CROCC: variants seen among roughly 807,000 people sequenced by gnomAD.
CROCC encodes the protein rootletin.
Under a neutral mutation model 245.2 loss-of-function variants are expected in CROCC, and 180 were observed. That is an observed-to-expected ratio of 0.73 (90% CI 0.65 to 0.83). The LOEUF (loss-of-function observed/expected upper bound fraction) is 0.83, where lower values mean the gene tolerates loss of function less well. CROCC is among the 40% of genes least tolerant of loss of function. CROCC has a pLI of 0.00. For missense variants in CROCC, 2,688 were observed against 2,779.4 expected (o/e 0.97, Z 0.74); for synonymous variants, 1,205 against 1,241.6 (o/e 0.97, Z 0.62).
At position 16,954,838 on chromosome 1, in the gene CROCC, C is replaced by T; in HGVS notation, c.3426C>T (p.Ala1142=). The part of the protein sequence containing the change: ...AQEVRRLQEQ[A]RDLGKQRDSC... ...AGGTGAGGAGGCTGCAAGAGCAGGCCCGAGACCTGGGCAAGCAGCGGGACT... is the reference window on the plus strand; with the variant it reads ...AGGTGAGGAGGCTGCAAGAGCAGGCTCGAGACCTGGGCAAGCAGCGGGACT... Residue 1142 remains alanine (A), a synonymous_variant, in exon 23 of 37, where the codon GCC becomes GCT. Coordinates refer to ENST00000375541, the MANE Select transcript of CROCC (RefSeq NM_014675.5). The surrounding 1 kb of genome is among the most constrained non-coding windows in gnomAD (Gnocchi z 4.4). 2 of 1,546,132 alleles carry T rather than the reference C, an allele frequency of 1.3e-6. No homozygotes were observed. Among genetic ancestry groups the T allele is most frequent in the Non-Finnish European group, 1.7e-6 (2 of 1,142,902 alleles).
At chr1:16,938,816 G>A (rs2100414780) in intron 11 of CROCC, 93 bp from the exon 12 acceptor site, 2 of 1,256,910 alleles carry the variant, frequency 1.6e-6, no homozygotes, top group South Asian at 1.3e-5. Flanking sequence ...TTTGGAATGA[G>A]GCAGCCCCCA....
intron 13 of CROCC, among the ~76,000 whole-genome samples, chr1:16,942,208 G>A (rs1216532077): frequency 2.0e-5 from 3 of 152,188 alleles, no homozygotes; most frequent in Non-Finnish European, 4.4e-5. Context: ...ATAGGGTTTC[G>A]CCATGTTGCC....
intron 13 of CROCC, chr1:16,940,853 A>G (rs902908099): frequency 9.9e-6 from 4 of 402,194 alleles, no homozygotes; most frequent in Non-Finnish European, 1.5e-5. Flanking sequence ...CTACCTCCCA[A>G]CTGCCCCTAG....
chr1:16,938,617 C>T (rs2075845576), intron 11 of CROCC, 134 bp downstream of exon 11: 2 of 921,100 alleles, frequency 2.2e-6, no homozygotes, highest in Non-Finnish European at 3.3e-6. Context: ...TGCTCAGCAC[C>T]CCTGCTAGCT....
intron 3 of CROCC, 147 bp downstream of exon 3, chr1:16,924,626 T>A: frequency 9.2e-7 from 1 of 1,085,620 alleles, no homozygotes. Context: ...CCACCTTGAG[T>A]GGCGTTGAGC....
At position 16,948,348 on chromosome 1, in the gene CROCC, C is replaced by T. The variant is rs376982831; in HGVS notation, c.2532C>T (p.Ser844=). ...EQLAQLSRQL[S]GREQELEQAR... is the part of the protein sequence containing the mutation. ...GGGGCCAGCTCTCCCGGCAGCTGAG[C>T]GGGCGGGAGCAGGAGCTGGAGCAGG... The change falls in exon 18 of 37, where the codon AGC becomes AGT. Residue 844 remains serine (S), a synonymous_variant. Coordinates refer to ENST00000375541, the MANE Select transcript of CROCC (RefSeq NM_014675.5). 164 of 1,573,386 alleles carry T rather than the reference C, an allele frequency of 1.0e-4. No individual in the cohort carries two copies. Among genetic ancestry groups the T allele is most frequent in the African/African-American group, 3.2e-4 (24 of 74,472 alleles).
intron 15 of CROCC, 34 bp from the exon 16 acceptor site, chr1:16,946,224 TG>T (rs1202977385): frequency 2.5e-6 from 4 of 1,602,934 alleles, no homozygotes; most frequent in Non-Finnish European, 3.4e-6. Flanking sequence ...CCGACCTTTC[TG>T]CCTTTCCTCA....
chr1:16,915,342 A>G (rs1254207011), intron 1 of CROCC, among the ~76,000 whole-genome samples: 1 of 152,292 alleles, frequency 6.6e-6, no homozygotes, highest in Non-Finnish European at 1.5e-5. Flanking sequence ...GCAGCTCTTC[A>G]TGGAGCTTTG....
At chr1:16,933,808 C>G (rs2075731911) in intron 8 of CROCC, among the ~76,000 whole-genome samples, 1 of 152,274 alleles carries the variant, frequency 6.6e-6, no homozygotes, top group Non-Finnish European at 1.5e-5. Flanking sequence ...ATCCACCTAC[C>G]TTGGTCTCCC....
At chr1:16,939,862 C>A (rs112681315) in intron 12 of CROCC, 32 bp from the exon 13 acceptor site, 19,376 of 1,606,216 alleles carry the variant, frequency 0.012, 79 homozygotes, top group Non-Finnish European at 0.014. Context: ...CCTCTCAGGC[C>A]CCCCCAGACT....
Position 16,960,806 on chromosome 1 carries a change from A to G in CROCC, c.4081A>G (p.Thr1361Ala), listed in dbSNP as rs76576326. The G allele has an allele frequency of 0.056, 85,742 of 1,528,784 alleles. 3,154 individuals carry two copies. The highest frequency in any genetic ancestry group is 0.17 in the African/African-American group (12,175 of 71,700). The allele number at this position is 1,528,784 out of a possible 1,614,324, so 94.7% of individuals were successfully genotyped here. Reference sequence around the variant, plus strand: ...GCAGGAACAAGAAGGCGAGTTCCGGACCCGCGAGCGACGCCTGCTGGGCTC... The same window carrying G: ...GCAGGAACAAGAAGGCGAGTTCCGGGCCCGCGAGCGACGCCTGCTGGGCTC... The part of the protein sequence containing the change: ...KLQEQEGEFR[T>A]RERRLLGSLE... The change falls in exon 27 of 37, where the codon ACC (threonine) becomes GCC (alanine). Residue 1361 changes from threonine to alanine, a missense_variant. By Grantham distance (58) the Thr-to-Ala change is moderately conservative. Around this residue, in one of 9 missense-constraint regions of CROCC, gnomAD observed 1,218 missense variants for 1,286.3 expected, o/e 0.95. Transcript: ENST00000375541.
intron 26 of CROCC, 138 bp downstream of exon 26, chr1:16,958,888 A>G: frequency 9.9e-7 from 1 of 1,013,268 alleles, no homozygotes; most frequent in Admixed American, 2.9e-5. Flanking sequence ...ACTCTTCCCC[A>G]GTTGTAGTAA....
Position 16,956,998 on chromosome 1 carries a change from G to A in CROCC, c.3864+842G>A, listed in dbSNP as rs142714011. Among the ~76,000 whole-genome samples the A allele has an allele frequency of 5.5e-4, 84 of 152,342 alleles. 1 individual carries two copies. The East Asian group carries it at 0.013, about 24-fold the overall frequency. On this transcript the variant is annotated intron_variant, in intron 25 of 36. Coordinates refer to ENST00000375541, the MANE Select transcript of CROCC (RefSeq NM_014675.5). ...CAGAGATATCACAACCAGGCCAGGC[G>A]CAGTGGCTCACACCTATAATCTCAG...
At chr1:16,930,264 C>T (rs1307054009) in intron 5 of CROCC, 22 bp from the exon 6 acceptor site, 1 of 1,595,070 alleles carries the variant, frequency 6.3e-7, no homozygotes, top group Non-Finnish European at 8.5e-7. Flanking sequence ...CAACCTGATG[C>T]TTTAACCTCT....
At chr1:16,948,111 G>A (rs1385953220) in intron 17 of CROCC, among the ~76,000 whole-genome samples, 1 of 152,286 alleles carries the variant, frequency 6.6e-6, no homozygotes, top group Admixed American at 6.5e-5. Context: ...TTATAGGCAC[G>A]CACCACCGTA....
intron 17 of CROCC, among the ~76,000 whole-genome samples, chr1:16,947,443 T>G (rs1485333572): frequency 6.6e-6 from 1 of 152,076 alleles, no homozygotes; most frequent in African/African-American, 2.4e-5. Flanking sequence ...CACTCCAGCC[T>G]GGGCAACAGA....
chr1:16,929,151 G>A (rs1398177878), intron 3 of CROCC, among the ~76,000 whole-genome samples: 2 of 152,266 alleles, frequency 1.3e-5, no homozygotes, highest in Non-Finnish European at 2.9e-5. Context: ...ATATGCAGGC[G>A]CCGTATAGGG....
rs774531637 is a variant in CROCC, at chr1:16,939,884, C to T, written c.1609-10C>T. The T allele has an allele frequency of 3.1e-6, 5 of 1,611,594 alleles. No individual in the cohort carries two copies. Among genetic ancestry groups the T allele is most frequent in the East Asian group, 2.2e-5 (1 of 44,896 alleles). ...GGCCCCCCCAGACTCTGTGACCCCCCACACCCCAGGACATGCGTGGGCGCT... is the reference window on the plus strand; with the variant it reads ...GGCCCCCCCAGACTCTGTGACCCCCTACACCCCAGGACATGCGTGGGCGCT... On this transcript the variant is annotated splice_polypyrimidine_tract_variant and intron_variant, in intron 12 of 36. Transcript: ENST00000375541.
chr1:16,967,207 CAG>C, intron 30 of CROCC, among the ~76,000 whole-genome samples: 1 of 152,280 alleles, frequency 6.6e-6, no homozygotes, highest in Middle Eastern at 3.4e-3. Context: ...AGGTGGTACT[CAG>C]GGGGCCTCTG....
Sources: allele counts gnomAD v4.1 joint callset (sites outside exome capture counted in the v4.1 genomes callset), GRCh38; gene constraint gnomAD v4.1.1; regional missense constraint gnomAD v4.1.1; non-coding constraint Gnocchi (gnomAD v3.1); transcripts MANE v1.5; gene names NCBI Gene and HGNC (gene_info 2026-07-23, HGNC 2026-07-21).